CEP170: variants seen among roughly 807,000 people sequenced by gnomAD.
CEP170 encodes the protein centrosomal protein of 170 kDa.
In CEP170, 21 loss-of-function variants were observed where a neutral mutation model predicts 151.9. The ratio of observed to expected loss-of-function variants is 0.14; its 90% CI spans 0.10 to 0.20. CEP170 has a LOEUF of 0.20. Among genes scored for constraint, CEP170 ranks in the 10% least tolerant of loss-of-function variants. CEP170 has a pLI of 1.00. For synonymous variants in CEP170, 356 were observed against 648.8 expected (o/e 0.55, Z 6.86); for missense variants, 964 against 1,892.9 (o/e 0.51, Z 9.11).
chr1:243,149,610 T>G (rs1419375126), intron 14 of CEP170, among the ~76,000 whole-genome samples: 1 of 152,236 alleles, frequency 6.6e-6, no homozygotes, highest in East Asian at 1.9e-4. Flanking sequence ...TATGCCTTAT[T>G]GCTTGATTAG....
chr1:243,139,348 C>T (rs780357494), intron 16 of CEP170, among the ~76,000 whole-genome samples: 5 of 151,992 alleles, frequency 3.3e-5, no homozygotes, highest in South Asian at 2.1e-4. Flanking sequence ...GTGATCTGCC[C>T]GCCTCGGTAT....
chr1:243,175,389 A>C (rs902881172), intron 10 of CEP170, among the ~76,000 whole-genome samples: 1 of 152,176 alleles, frequency 6.6e-6, no homozygotes, highest in African/African-American at 2.4e-5. Flanking sequence ...AAGCCTTCAA[A>C]TTTCACATCT....
intron 4 of CEP170, among the ~76,000 whole-genome samples, chr1:243,209,792 A>G (rs1460984112): frequency 6.6e-6 from 1 of 151,220 alleles, no homozygotes; most frequent in East Asian, 2.0e-4. Flanking sequence ...CCATTCTCCT[A>G]CTGAGGTGGG....
chr1:243,214,280 G>GTTTTTTTTTTTTTTTTTTTT (rs758433258), intron 3 of CEP170, among the ~76,000 whole-genome samples: 1 of 100,548 alleles, frequency 9.9e-6, no homozygotes. Context: ...AAGCTGTAAA[G>GTTTTTTTTTTTTTTTTTTTT]TTTTTTTTTT....
chr1:243,150,656 T>C (rs944512037), intron 14 of CEP170, among the ~76,000 whole-genome samples: 1 of 152,084 alleles, frequency 6.6e-6, no homozygotes, highest in Non-Finnish European at 1.5e-5. Flanking sequence ...ATTCCAATTA[T>C]ATCTGGATTC....
intron 2 of CEP170, among the ~76,000 whole-genome samples, chr1:243,223,961 A>C (rs1298220387): frequency 6.6e-6 from 1 of 152,228 alleles, no homozygotes; most frequent in African/African-American, 2.4e-5. Context: ...CCAAGATTAC[A>C]GAACATAATA....
chr1:243,157,737 T>C (rs555391868), intron 13 of CEP170, among the ~76,000 whole-genome samples: 2 of 152,336 alleles, frequency 1.3e-5, no homozygotes, highest in East Asian at 3.9e-4. Context: ...TCTCTAAGGC[T>C]GAGGTTGCTC....
chr1:243,230,825 A>G (rs1267153095), intron 1 of CEP170, among the ~76,000 whole-genome samples: 3 of 152,204 alleles, frequency 2.0e-5, no homozygotes, highest in African/African-American at 7.2e-5. Flanking sequence ...ATATGACAGA[A>G]AAGTATTTGA....
At chr1:243,153,297 A>G (rs1194610988) in intron 14 of CEP170, among the ~76,000 whole-genome samples, 1 of 152,206 alleles carries the variant, frequency 6.6e-6, no homozygotes, top group Non-Finnish European at 1.5e-5. Context: ...TGAGATGACA[A>G]CAAAGGATTC....
intron 1 of CEP170, among the ~76,000 whole-genome samples, chr1:243,239,537 C>T (rs2064613019): frequency 6.6e-6 from 1 of 152,148 alleles, no homozygotes; most frequent in Non-Finnish European, 1.5e-5. Flanking sequence ...AGATAGAATT[C>T]AAACTCTTCA....
At chr1:243,234,306 T>C (rs555884880) in intron 1 of CEP170, among the ~76,000 whole-genome samples, 1 of 152,362 alleles carries the variant, frequency 6.6e-6, no homozygotes, top group Non-Finnish European at 1.5e-5. Context: ...TAGGCATCCA[T>C]GTGACAACTT....
chr1:243,138,881 G>A (rs2055456926), intron 16 of CEP170, among the ~76,000 whole-genome samples: 1 of 152,144 alleles, frequency 6.6e-6, no homozygotes, highest in Non-Finnish European at 1.5e-5. Context: ...TTAGGAGATA[G>A]TGTCAAACTG....
chr1:243,180,401 TGA>T (rs2059544863), intron 10 of CEP170, among the ~76,000 whole-genome samples: 1 of 152,200 alleles, frequency 6.6e-6, no homozygotes, highest in Admixed American at 6.5e-5. Context: ...TAAGAAGGGT[TGA>T]GGAGAACTAA....
At chr1:243,159,688 A>G (rs2057879840) in intron 13 of CEP170, among the ~76,000 whole-genome samples, 1 of 151,890 alleles carries the variant, frequency 6.6e-6, no homozygotes, top group African/African-American at 2.4e-5. Context: ...AGCCAGGTCT[A>G]TGGACTCCCA....
At chr1:243,173,866 C>T (rs556263473) in intron 10 of CEP170, among the ~76,000 whole-genome samples, 1 of 152,046 alleles carries the variant, frequency 6.6e-6, no homozygotes, top group South Asian at 2.1e-4. Context: ...GTTGAAAAAC[C>T]ATAAACATGT....
At chr1:243,182,742 A>G (rs937258531) in intron 10 of CEP170, among the ~76,000 whole-genome samples, 2 of 152,078 alleles carry the variant, frequency 1.3e-5, no homozygotes, top group Non-Finnish European at 2.9e-5. Context: ...GGAAAACTCT[A>G]CCTAGCATGC....
At position 243,164,887 on chromosome 1, in the gene CEP170, C is replaced by T. The variant is rs779419108; in HGVS notation, c.3073G>A (p.Asp1025Asn). 5 of 1,613,808 alleles carry T rather than the reference C, an allele frequency of 3.1e-6. No homozygotes were observed. In the Middle Eastern group the frequency reaches 8.3e-4, roughly 266 times the overall value. Residue 1025 changes from aspartate (D) to asparagine (N), a missense_variant, in exon 13 of 20, where the codon GAT becomes AAT. Physicochemically the swap from Asp to Asn is conservative, Grantham distance 23. Coordinates refer to ENST00000366542, the MANE Select transcript of CEP170 (RefSeq NM_014812.3). ...IRQPSVDLTD[D>N]DQTSSVPHSA... is the part of the protein sequence containing the mutation. ...TGAGGTACACTAGAGGTTTGGTCATCATCTGTTAAGTCTACTGAGGGCTGT... is the reference window on the plus strand; with the variant it reads ...TGAGGTACACTAGAGGTTTGGTCATTATCTGTTAAGTCTACTGAGGGCTGT...
rs532830307 is a variant in CEP170 at position 243,242,456 on chromosome 1, G to C, written c.-42+12584C>G. Among the ~76,000 whole-genome samples, 17 of 151,786 alleles carry C rather than the reference G, an allele frequency of 1.1e-4. No homozygotes were observed. The East Asian group carries it at 3.3e-3, about 30-fold the overall frequency. ...GATGGTCTCGATCTCCTGACCACAT[G>C]ATCTACCTGCCTCGGCCTCCCAAAG... is the stretch of plus-strand genomic sequence containing the variant. On this transcript the variant is annotated intron_variant, in intron 1 of 19. Coordinates refer to ENST00000366542, the MANE Select transcript of CEP170 (RefSeq NM_014812.3).
At chr1:243,174,657 A>T (rs1201642523) in intron 10 of CEP170, among the ~76,000 whole-genome samples, 1 of 152,234 alleles carries the variant, frequency 6.6e-6, no homozygotes, top group African/African-American at 2.4e-5. Context: ...CAATATTTAA[A>T]TTATCTTTGC....
Sources: allele counts gnomAD v4.1 joint callset (sites outside exome capture counted in the v4.1 genomes callset), GRCh38; gene constraint gnomAD v4.1.1; transcripts MANE v1.5; gene names NCBI Gene and HGNC (gene_info 2026-07-23, HGNC 2026-07-21).